NHSL2: variants seen among roughly 807,000 people sequenced by gnomAD.
NHSL2 encodes the protein NHS like 2.
NHSL2 carries 27 observed loss-of-function variants against 53.4 expected under a neutral mutation model. The ratio of observed to expected loss-of-function variants is 0.51; its 90% CI spans 0.37 to 0.70. The LOEUF (loss-of-function observed/expected upper bound fraction) is 0.70. NHSL2 is among the 30% of genes least tolerant of loss of function. The probability of loss-of-function intolerance (pLI) is 0.00; values close to 1 mark genes in which losing one functional copy is unlikely to be tolerated. For synonymous variants in NHSL2, 408 were observed against 404.1 expected, an observed-to-expected ratio of 1.01 and a Z score of -0.12; for missense variants, 892 against 980.1, an observed-to-expected ratio of 0.91 and a Z score of 1.20.
At chrX:72,130,080 A>G in intron 1 of NHSL2, 2 of 1,210,876 alleles carry the variant, frequency 1.7e-6, no homozygotes, top group South Asian at 3.5e-5. Context: ...CGGCGTGGTA[A>G]CCACTTGTGG....
At chrX:72,126,114 G>A (rs768469101) in intron 1 of NHSL2, among the ~76,000 whole-genome samples, 14 of 111,973 alleles carry the variant, frequency 1.3e-4, no homozygotes, top group African/African-American at 3.6e-4. Flanking sequence ...TGATGTTGGC[G>A]AAAGTCCCTG....
At position 72,086,667 on chromosome X, in the gene NHSL2, G is replaced by C. The variant is rs182245736; in HGVS notation, c.281-45412G>C. On this transcript the variant is annotated intron_variant, in intron 1 of 7. Coordinates refer to ENST00000633930, the MANE Select transcript of NHSL2 (RefSeq NM_001013627.3). ...CCACTGTACTCCAGCCTGGGAGACA[G>C]AGTGAAACTCCATCTCAAAAAAAAA... Among the ~76,000 whole-genome samples, 194 of 74,124 alleles carry C rather than the reference G, an allele frequency of 2.6e-3. 1 individual carries two copies. The highest frequency in any genetic ancestry group is 0.028 in the Middle Eastern group (2 of 71). The allele number at this position is 74,124 out of a possible 115,157, so 64.4% of individuals were successfully genotyped here.
rs371411980 is a variant in NHSL2, at chrX:72,144,764, C to T, written c.*1190C>T. ...CACACACAAAAGGGCTACTTTTTGCCATTTAGGTTCTGTGTTTGACCAGCT... is the reference window on the plus strand; with the variant it reads ...CACACACAAAAGGGCTACTTTTTGCTATTTAGGTTCTGTGTTTGACCAGCT... On this transcript the variant is annotated 3_prime_UTR_variant, in exon 8 of 8. Transcript: ENST00000633930. 5 of 209,479 alleles carry T rather than the reference C, an allele frequency of 2.4e-5. No homozygotes were observed. In the East Asian group the frequency reaches 5.4e-4, roughly 23 times the overall value. 17.3% of individuals were successfully genotyped at this position (209,479 alleles called of 1,213,427 possible). A position where few individuals can be genotyped will look rare whatever the true frequency, so the allele number is the denominator to read the frequency against.
At chrX:71,965,607 A>G (rs1226600137) in intron 1 of NHSL2, among the ~76,000 whole-genome samples, 1 of 111,903 alleles carries the variant, frequency 8.9e-6, no homozygotes, top group Non-Finnish European at 1.9e-5. Flanking sequence ...TTACCTCTCC[A>G]TATAAACTTT....
chrX:72,011,041 T>C (rs1001841699), intron 1 of NHSL2, among the ~76,000 whole-genome samples: 2 of 112,471 alleles, frequency 1.8e-5, no homozygotes, highest in Non-Finnish European at 3.8e-5. Flanking sequence ...ATGCAAACTT[T>C]AGGGATTTTG....
rs767074605 is a variant in NHSL2, at chrX:72,142,215, T to G, written c.3224-17T>G. On this transcript the variant is annotated splice_polypyrimidine_tract_variant and intron_variant, in intron 6 of 7. Coordinates refer to ENST00000633930, the MANE Select transcript of NHSL2 (RefSeq NM_001013627.3). ...CTACTGTGGTCAAAGTCATTCCTTT[T>G]GGTTTTTTATGTCTAGGGAGTTCTG... 6.0e-5 allele frequency: 69 copies of G among 1,149,636 alleles called. 1 individual carries two copies. The Middle Eastern group carries it at 2.3e-3, about 39-fold the overall frequency. The allele number at this position is 1,149,636 out of a possible 1,213,427, so 94.7% of individuals were successfully genotyped here.
At position 72,129,690 on chromosome X, in the gene NHSL2, ATTCTGCAGGTCTTCTTCAGG is replaced by A. The variant is rs745320631; in HGVS notation, c.281-2376_281-2357del. ...GGTCACGGTTGCAAGATGGTCTGGA[ATTCTGCAGGTCTTCTTCAGG>A]TTCTGCAGGTCTGAAACTCCCTGAA... On this transcript the variant is annotated intron_variant, in intron 1 of 7. Transcript: ENST00000633930. The A allele has an allele frequency of 8.3e-6, 5 of 604,044 alleles. No individual in the cohort carries two copies. In the South Asian group the frequency reaches 9.1e-5, roughly 11 times the overall value. 49.8% of individuals were successfully genotyped at this position (604,044 alleles called of 1,213,427 possible). A position where few individuals can be genotyped will look rare whatever the true frequency, so the allele number is the denominator to read the frequency against.
rs866564388 is a variant in NHSL2, at chrX:72,089,441, A to G, written c.281-42638A>G. On this transcript the variant is annotated intron_variant, in intron 1 of 7. Transcript: ENST00000633930. Reference sequence around the variant, plus strand: ...ACTCGCTAATGGGCAAGAGGATTCCAGAGGGCTTGTAGGAGGTGGCTGGGT... The same window carrying G: ...ACTCGCTAATGGGCAAGAGGATTCCGGAGGGCTTGTAGGAGGTGGCTGGGT... Among the ~76,000 whole-genome samples, 56 of 111,471 alleles carry G rather than the reference A, an allele frequency of 5.0e-4. No homozygotes were observed. In the Middle Eastern group the frequency reaches 0.014, roughly 27 times the overall value.
At chrX:72,039,691 C>G (rs901068259) in intron 1 of NHSL2, among the ~76,000 whole-genome samples, 2 of 111,834 alleles carry the variant, frequency 1.8e-5, no homozygotes, top group Non-Finnish European at 3.8e-5. Context: ...ACGTTTAGGA[C>G]TCATGTGTGC....
rs1423743203 is a variant in NHSL2, at chrX:72,138,466, T to C, written c.918T>C (p.Ser306=). ...GTCACAGCAACAGCCCAGCAGGCAG[T>C]GTGGCCCACTCTACCACCTCCGACA... ...DQGHSNSPAG[S]VAHSTTSDIR... The change falls in exon 6 of 8, where the codon AGT becomes AGC. Residue 306 remains serine (S), a synonymous_variant. Transcript: ENST00000633930. 54 of 1,153,036 alleles carry C rather than the reference T, an allele frequency of 4.7e-5. No homozygotes were observed. Among genetic ancestry groups the C allele is most frequent in the Non-Finnish European group, 6.3e-5 (54 of 863,623 alleles).
chrX:72,060,592 A>T (rs770409622), intron 1 of NHSL2, among the ~76,000 whole-genome samples: 1 of 112,715 alleles, frequency 8.9e-6, no homozygotes, highest in Non-Finnish European at 1.9e-5. Context: ...AGTTAGGCAT[A>T]TCTGACAACG....
chrX:72,053,660 T>C (rs1240936220), intron 1 of NHSL2, among the ~76,000 whole-genome samples: 3 of 111,148 alleles, frequency 2.7e-5, no homozygotes, highest in Non-Finnish European at 5.7e-5. Context: ...AATTTTTGTA[T>C]GCTGTCTGAC....
chrX:72,052,798 A>C (rs116804895), intron 1 of NHSL2, among the ~76,000 whole-genome samples: 2,864 of 111,455 alleles, frequency 0.026, 95 homozygotes, highest in African/African-American at 0.09. Flanking sequence ...CTCCTGAGCC[A>C]TCCCTCTCTC....
intron 1 of NHSL2, among the ~76,000 whole-genome samples, chrX:72,025,110 A>G (rs1271080057): frequency 8.9e-6 from 1 of 112,317 alleles, no homozygotes; most frequent in African/African-American, 3.2e-5. Flanking sequence ...GGTCATGGAT[A>G]TACTAATTTC....
At chrX:72,026,777 A>G (rs1486940583) in intron 1 of NHSL2, among the ~76,000 whole-genome samples, 1 of 112,292 alleles carries the variant, frequency 8.9e-6, no homozygotes, top group Non-Finnish European at 1.9e-5. Context: ...GCACACATAC[A>G]AAATGACTCC....
chrX:72,069,254 G>A (rs1417767654), intron 1 of NHSL2, among the ~76,000 whole-genome samples: 1 of 111,486 alleles, frequency 9.0e-6, no homozygotes, highest in Admixed American at 9.5e-5. Flanking sequence ...GGGCGGGCGA[G>A]TCGGGTCCCG....
At chrX:71,958,056 G>A (rs1453346339) in intron 1 of NHSL2, among the ~76,000 whole-genome samples, 3 of 109,278 alleles carry the variant, frequency 2.7e-5, no homozygotes, top group East Asian at 2.9e-4. Flanking sequence ...GAATAGGGAC[G>A]GGGTTTCTAC....
intron 1 of NHSL2, among the ~76,000 whole-genome samples, chrX:72,100,604 C>T (rs1485826188): frequency 8.9e-6 from 1 of 112,114 alleles, no homozygotes; most frequent in Non-Finnish European, 1.9e-5. Context: ...CTGAGCTCCA[C>T]CTCCTGTCAG....
rs753737198 is a variant in NHSL2 at position 72,140,780 on chromosome X, ACTGTCTG to A, written c.3223+13_3223+19del. On this transcript the variant is annotated intron_variant, in intron 6 of 7. Coordinates refer to ENST00000633930, the MANE Select transcript of NHSL2 (RefSeq NM_001013627.3). The stretch of plus-strand genomic sequence containing the variant: ...GGAGGCAAGCCCTCTGGGTTAGTAA[ACTGTCTG>A]CTGGCTTTTTCCTTCAGTCACAGGA... The A allele has an allele frequency of 1.7e-6, 2 of 1,151,712 alleles. No individual in the cohort carries two copies. Among genetic ancestry groups the A allele is most frequent in the Non-Finnish European group, 2.3e-6 (2 of 863,698 alleles). The allele number at this position is 1,151,712 out of a possible 1,213,427, so 94.9% of individuals were successfully genotyped here.
Sources: allele counts gnomAD v4.1 joint callset (sites outside exome capture counted in the v4.1 genomes callset), GRCh38; gene constraint gnomAD v4.1.1; transcripts MANE v1.5; gene names NCBI Gene and HGNC (gene_info 2026-07-23, HGNC 2026-07-21).